ZNRF1: variants seen among roughly 807,000 people sequenced by gnomAD.
The protein encoded by ZNRF1 is zinc and ring finger 1, also known as E3 ubiquitin-protein ligase ZNRF1.
In ZNRF1, 3 loss-of-function variants were observed where a neutral mutation model predicts 18.4. The ratio of observed to expected loss-of-function variants is 0.16; its 90% CI spans 0.07 to 0.42. The LOEUF (loss-of-function observed/expected upper bound fraction) is 0.42, where lower values mean the gene tolerates loss of function less well. Ranked by LOEUF, ZNRF1 falls within the 10% of genes least tolerant of loss-of-function variation. The pLI is 0.99. For missense variants in ZNRF1, 310 were observed against 329.8 expected (o/e 0.94, Z 0.47); for synonymous variants, 157 against 144.2 (o/e 1.09, Z -0.64).
intron 1 of ZNRF1, among the ~76,000 whole-genome samples, chr16:75,007,201 G>C (rs1223733723): frequency 6.6e-6 from 1 of 152,048 alleles, no homozygotes; most frequent in Non-Finnish European, 1.5e-5. Context: ...GGGACTACAG[G>C]CGGATGCCGC....
At position 75,020,000 on chromosome 16, in the gene ZNRF1, C is replaced by T. The variant is rs376368693; in HGVS notation, c.424+19905C>T. Among the ~76,000 whole-genome samples, 165 of 152,302 alleles carry T rather than the reference C, an allele frequency of 1.1e-3. 2 individuals carry two copies. The highest frequency in any genetic ancestry group is 3.7e-3 in the African/African-American group (152 of 41,556). On this transcript the variant is annotated intron_variant, in intron 1 of 4. Coordinates refer to ENST00000335325, the MANE Select transcript of ZNRF1 (RefSeq NM_032268.5). ...TGCTGGGATTACAGGTGTGAGCCAC[C>T]GCGCCCAGCCAGGTGTTCTTGATTT... is the stretch of plus-strand genomic sequence containing the variant.
At chr16:75,037,973 T>C (rs1456719611) in intron 1 of ZNRF1, among the ~76,000 whole-genome samples, 2 of 152,194 alleles carry the variant, frequency 1.3e-5, no homozygotes, top group Non-Finnish European at 2.9e-5. Context: ...TTCTTCCTTC[T>C]GGTAGCTAGA....
intron 2 of ZNRF1, among the ~76,000 whole-genome samples, chr16:75,101,724 G>A (rs773846593): frequency 3.9e-5 from 6 of 152,156 alleles, no homozygotes; most frequent in Admixed American, 3.3e-4. Flanking sequence ...GTGCACATTC[G>A]AACGCTACAG....
intron 1 of ZNRF1, among the ~76,000 whole-genome samples, chr16:75,045,176 T>G (rs577816109): frequency 6.6e-6 from 1 of 152,288 alleles, no homozygotes; most frequent in Middle Eastern, 3.4e-3. Flanking sequence ...GTTTGTTTGT[T>G]TTTAATTTAA....
At chr16:75,089,229 C>A (rs144483354) in intron 1 of ZNRF1, among the ~76,000 whole-genome samples, 2 of 151,950 alleles carry the variant, frequency 1.3e-5, no homozygotes, top group South Asian at 2.1e-4. Flanking sequence ...CAACCTCCCA[C>A]GTAGCTGGGA....
chr16:75,044,837 A>C (rs563531046), intron 1 of ZNRF1, among the ~76,000 whole-genome samples: 1 of 152,364 alleles, frequency 6.6e-6, no homozygotes, highest in South Asian at 2.1e-4. Context: ...GAAGTAACAT[A>C]ATATGTTAAG....
intron 1 of ZNRF1, among the ~76,000 whole-genome samples, chr16:75,032,886 G>T (rs1026794402): frequency 6.6e-6 from 1 of 152,168 alleles, no homozygotes; most frequent in Non-Finnish European, 1.5e-5. Context: ...GGTGGTATAT[G>T]CCTGTAGTCC....
chr16:75,060,325 A>G (rs1484190593), intron 1 of ZNRF1, among the ~76,000 whole-genome samples: 1 of 152,168 alleles, frequency 6.6e-6, no homozygotes, highest in Non-Finnish European at 1.5e-5. Context: ...TGCTGGGATT[A>G]CAGGCATGAG....
intron 1 of ZNRF1, among the ~76,000 whole-genome samples, chr16:75,041,254 G>A (rs1044151279): frequency 3.3e-5 from 5 of 152,156 alleles, no homozygotes; most frequent in Admixed American, 6.5e-5. Context: ...TGCCAACACC[G>A]TGTATTGTTG....
chr16:75,104,510 G>A lies in ZNRF1; in HGVS notation c.521-274G>A, dbSNP rs139734577. On this transcript the variant is annotated intron_variant, in intron 2 of 4. Transcript: ENST00000335325. ...CTGCTTCCTGTCTACCCTTCTCCAA[G>A]CCTTTTTCGTCCGCTGTCACCTAGG... 6.2e-3 allele frequency: 1,842 copies of A among 297,308 alleles called. 12 individuals are homozygous for A. The highest frequency in any genetic ancestry group is 7.0e-3 in the Non-Finnish European group (1,089 of 155,442). 18.4% of individuals were successfully genotyped at this position (297,308 alleles called of 1,614,324 possible).
intron 3 of ZNRF1, chr16:75,105,660 C>T (rs2036306828): frequency 6.6e-6 from 1 of 152,312 alleles, no homozygotes; most frequent in South Asian, 2.1e-4. Flanking sequence ...GATTCTTGGT[C>T]TAGCTCCCAG....
At chr16:75,019,539 T>A (rs1175286487) in intron 1 of ZNRF1, among the ~76,000 whole-genome samples, 1 of 152,210 alleles carries the variant, frequency 6.6e-6, no homozygotes, top group African/African-American at 2.4e-5. Context: ...TCAGTTTTCA[T>A]AAATATTTCA....
At chr16:75,034,752 A>C (rs1448066641) in intron 1 of ZNRF1, among the ~76,000 whole-genome samples, 3 of 151,990 alleles carry the variant, frequency 2.0e-5, no homozygotes, top group Non-Finnish European at 4.4e-5. Flanking sequence ...TCAGCCTCCC[A>C]AGTAGCTGGG....
chr16:75,000,370 C>T (rs73612085), intron 1 of ZNRF1: 1 of 630,398 alleles, frequency 1.6e-6, no homozygotes. Context: ...TTATTGGCAT[C>T]ACCCTCCTCA....
chr16:75,081,613 A>G (rs1238674998), intron 1 of ZNRF1, among the ~76,000 whole-genome samples: 1 of 152,170 alleles, frequency 6.6e-6, no homozygotes, highest in Non-Finnish European at 1.5e-5. Context: ...TTTGGGTCCA[A>G]GGGATGTAGG....
intron 1 of ZNRF1, among the ~76,000 whole-genome samples, chr16:75,076,595 C>T (rs2035943463): frequency 6.7e-6 from 1 of 148,862 alleles, no homozygotes; most frequent in African/African-American, 2.5e-5. Context: ...AAGTGTGGCA[C>T]ATTCAGTCCA....
chr16:75,096,937 A>G (rs908877449), intron 2 of ZNRF1, among the ~76,000 whole-genome samples: 2 of 152,088 alleles, frequency 1.3e-5, no homozygotes, highest in African/African-American at 4.8e-5. Context: ...TGGCTGGGGA[A>G]GTTTGGGAAT....
intron 2 of ZNRF1, among the ~76,000 whole-genome samples, chr16:75,100,140 C>T (rs7194860): frequency 0.023 from 3,554 of 152,284 alleles, 158 homozygotes; most frequent in African/African-American, 0.082. Context: ...GCCAGTGGCT[C>T]TTGGTCCCAG....
chr16:75,000,004 T>G lies in ZNRF1; in HGVS notation c.333T>G (p.His111Gln). The change falls in exon 1 of 5, where the codon CAT (histidine) becomes CAG (glutamine). Residue 111 changes from histidine (H) to glutamine (Q), a missense_variant. This residue lies in a region of ZNRF1 where 293 missense variants were observed against 291.2 expected (regional missense o/e 1.01). Coordinates refer to ENST00000335325, the MANE Select transcript of ZNRF1 (RefSeq NM_032268.5). ...NGYQETGGGH[H>Q]RDGMLYLGSR... is the part of the protein sequence containing the mutation. The stretch of plus-strand genomic sequence containing the variant: ...ACCAGGAGACGGGCGGCGGTCACCA[T>G]AGAGACGGGATGCTGTACCTGGGCT... 1 of 1,589,542 alleles carries G rather than the reference T, an allele frequency of 6.3e-7. No homozygotes were observed. Among genetic ancestry groups the G allele is most frequent in the Non-Finnish European group, 8.6e-7 (1 of 1,168,784 alleles).
Sources: allele counts gnomAD v4.1 joint callset (sites outside exome capture counted in the v4.1 genomes callset), GRCh38; gene constraint gnomAD v4.1.1; regional missense constraint gnomAD v4.1.1; transcripts MANE v1.5; gene names NCBI Gene and HGNC (gene_info 2026-07-23, HGNC 2026-07-21).